The following EPM2A variants were observed in gnomAD, a reference collection of about 807,000 sequenced individuals.
EPM2A encodes laforin.
A neutral mutation model predicts 26.5 loss-of-function variants in EPM2A; 21 were observed. The ratio of observed to expected loss-of-function variants is 0.79; its 90% confidence interval spans 0.56 to 1.14. EPM2A has a LOEUF of 1.14. Among genes scored for constraint, EPM2A ranks in the 50% most tolerant of loss-of-function variants. The pLI is 0.00. For missense variants in EPM2A, 458 were observed against 440.8 expected, an observed-to-expected ratio of 1.04 and a Z score of -0.35; for synonymous variants, 217 against 177.6, an observed-to-expected ratio of 1.22 and a Z score of -1.76.
intron 1 of EPM2A, among the ~76,000 whole-genome samples, chr6:145,689,991 G>C (rs910598864): frequency 1.2e-4 from 18 of 152,186 alleles, no homozygotes; most frequent in Middle Eastern, 3.4e-3. Flanking sequence ...ACCATCAGTG[G>C]ATGCCATGTA....
chr6:145,695,830 C>T (rs577607432), intron 1 of EPM2A, among the ~76,000 whole-genome samples: 1 of 152,116 alleles, frequency 6.6e-6, no homozygotes, highest in South Asian at 2.1e-4. Context: ...GACTGAAATA[C>T]TGTAATAGTA....
intron 4 of EPM2A, among the ~76,000 whole-genome samples, chr6:145,486,878 T>C (rs375261723): frequency 7.2e-5 from 11 of 152,126 alleles, no homozygotes; most frequent in African/African-American, 2.4e-4. Flanking sequence ...GTGTACAGGA[T>C]GCGCAGGTTT....
rs376645665 is a variant in EPM2A at position 145,648,904 on chromosome 6, C to A, written c.477-13418G>T. ...TTTACCTCATTGAAATGAAACTGGT[C>A]ATAAAAATCTGAATGAAAAAGGGAA... On this transcript the variant is annotated intron_variant, in intron 2 of 3. Transcript: ENST00000367519. 1.1e-4 allele frequency among the ~76,000 whole-genome samples: 16 copies of A among 152,172 alleles called. No individual in the cohort carries two copies. In the South Asian group the frequency reaches 3.3e-3, roughly 32 times the overall value.
chr6:145,623,206 G>A (rs1287003517), downstream of EPM2A, among the ~76,000 whole-genome samples: 2 of 152,206 alleles, frequency 1.3e-5, no homozygotes, highest in African/African-American at 4.8e-5. Context: ...ATAATGCAGT[G>A]AAGCTTACAT....
intron 2 of EPM2A, among the ~76,000 whole-genome samples, chr6:145,511,298 G>A (rs971363187): frequency 6.6e-6 from 1 of 151,982 alleles, no homozygotes; most frequent in Non-Finnish European, 1.5e-5. Flanking sequence ...CAAAAAGATA[G>A]CAAAAACAGA....
intron 4 of EPM2A, among the ~76,000 whole-genome samples, chr6:145,466,711 T>G (rs1218285731): frequency 2.0e-5 from 3 of 152,124 alleles, no homozygotes; most frequent in Non-Finnish European, 2.9e-5. Context: ...TATTGCGGCA[T>G]TATTCACAAT....
chr6:145,507,996 T>C (rs1465496270), intron 2 of EPM2A, among the ~76,000 whole-genome samples: 1 of 152,134 alleles, frequency 6.6e-6, no homozygotes, highest in Admixed American at 6.5e-5. Context: ...CTTGGAGATC[T>C]AACCCCCAGT....
chr6:145,421,381 T>C (rs1047327897), intron 4 of EPM2A, among the ~76,000 whole-genome samples: 2 of 152,118 alleles, frequency 1.3e-5, no homozygotes, highest in Non-Finnish European at 2.9e-5. Context: ...TTGGAAGTAA[T>C]GAAGGGAGTT....
At chr6:145,598,713 T>G (rs545999872) in intron 2 of EPM2A, among the ~76,000 whole-genome samples, 1 of 152,306 alleles carries the variant, frequency 6.6e-6, no homozygotes, top group South Asian at 2.1e-4. Context: ...TTGCCTAGGT[T>G]GTTGTACAGG....
intron 4 of EPM2A, among the ~76,000 whole-genome samples, chr6:145,437,186 T>C (rs146624958): frequency 4.6e-5 from 7 of 152,140 alleles, no homozygotes; most frequent in Admixed American, 4.6e-4. Flanking sequence ...TCTCATGAGA[T>C]CTGATGGTTT....
chr6:145,435,144 T>C (rs1263202467), intron 4 of EPM2A, among the ~76,000 whole-genome samples: 1 of 152,218 alleles, frequency 6.6e-6, no homozygotes, highest in Non-Finnish European at 1.5e-5. Flanking sequence ...ATTTACTTAT[T>C]CATTTTTTAA....
At chr6:145,525,037 A>G (rs1171586635) in intron 2 of EPM2A, among the ~76,000 whole-genome samples, 1 of 151,930 alleles carries the variant, frequency 6.6e-6, no homozygotes, top group Non-Finnish European at 1.5e-5. Context: ...TCTTTTCCCC[A>G]TTGCTTATTT....
rs1775927201 is a variant in EPM2A at position 145,627,670 on chromosome 6, C to T, written c.742G>A (p.Ala248Thr). 1.2e-6 allele frequency: 2 copies of T among 1,614,176 alleles called. No homozygotes were observed. The highest frequency in any genetic ancestry group is 1.7e-6 in the Non-Finnish European group (2 of 1,180,028). ...TEGRVQMLPQ[A>T]VCLLHALLEK... Reference sequence around the variant, plus strand: ...AGCAGCGCATGCAGCAGGCACACCGCCTGGGGCAGCATCTGTACTCGGCCT... The same window carrying T: ...AGCAGCGCATGCAGCAGGCACACCGTCTGGGGCAGCATCTGTACTCGGCCT... Residue 248 changes from alanine to threonine, a missense_variant, in exon 4 of 4, where the codon GCG becomes ACG. Physicochemically the swap from Ala to Thr is moderately conservative, Grantham distance 58 (BLOSUM62 0). Transcript: ENST00000367519.
chr6:145,619,647 C>T (rs1274837625), intron 2 of EPM2A, among the ~76,000 whole-genome samples: 1 of 152,026 alleles, frequency 6.6e-6, no homozygotes, highest in African/African-American at 2.4e-5. Context: ...GAGTGGTAAT[C>T]ATAGGTCTGT....
At chr6:145,407,014 G>T (rs1778578156) in intron 4 of EPM2A, among the ~76,000 whole-genome samples, 1 of 152,128 alleles carries the variant, frequency 6.6e-6, no homozygotes, top group South Asian at 2.1e-4. Flanking sequence ...TTAGGGAAGT[G>T]GTGGGAAATG....
chr6:145,579,919 A>G (rs1313579221), intron 2 of EPM2A, among the ~76,000 whole-genome samples: 1 of 152,152 alleles, frequency 6.6e-6, no homozygotes, highest in African/African-American at 2.4e-5. Flanking sequence ...TCTATATTCA[A>G]GTGATATTAT....
intron 4 of EPM2A, among the ~76,000 whole-genome samples, chr6:145,415,568 T>A (rs142904408): frequency 1.3e-5 from 2 of 152,336 alleles, no homozygotes; most frequent in Admixed American, 6.5e-5. Context: ...CAGGTTCTTA[T>A]CATTTCTTTT....
At chr6:145,706,761 T>C (rs1336229199) in intron 1 of EPM2A, among the ~76,000 whole-genome samples, 1 of 152,232 alleles carries the variant, frequency 6.6e-6, no homozygotes, top group African/African-American at 2.4e-5. Context: ...AATTTTATAT[T>C]GTATAATTGC....
intron 2 of EPM2A, among the ~76,000 whole-genome samples, chr6:145,570,332 G>A (rs1239766176): frequency 6.6e-6 from 1 of 151,972 alleles, no homozygotes; most frequent in Non-Finnish European, 1.5e-5. Flanking sequence ...CAATAATAAG[G>A]TTATAATTAT....
Sources: gnomAD v4.1 joint callset for allele counts (sites outside exome capture counted in the v4.1 genomes callset) on GRCh38, gnomAD v4.1.1 for gene constraint, MANE v1.5 for transcripts, NCBI Gene and HGNC (gene_info 2026-07-23, HGNC 2026-07-21) for gene names.